Variants in MICU3 observed in about 807,000 individuals in gnomAD.
The protein encoded by MICU3 is mitochondrial calcium uptake 3.
In MICU3, 62 loss-of-function variants were observed where a neutral mutation model predicts 66.5. The ratio of observed to expected loss-of-function variants is 0.93; its 90% CI spans 0.76 to 1.15. MICU3 has a LOEUF of 1.15. Among genes scored for constraint, MICU3 ranks in the 50% most tolerant of loss-of-function variants. The pLI is 0.00. For synonymous variants in MICU3, 308 were observed against 240.7 expected (o/e 1.28, Z -2.59); for missense variants, 779 against 664.4 (o/e 1.17, Z -1.90).
the MICU3 span, among the ~76,000 whole-genome samples, chr8:17,135,024 T>G: frequency 1.8e-4 from 28 of 152,358 alleles, 1 homozygote; most frequent in Middle Eastern, 3.4e-3. Flanking sequence ...AAGTCAAGAT[T>G]TATGGGTTTC....
At chr8:17,129,459 A>G in the MICU3 span, among the ~76,000 whole-genome samples, 4 of 152,374 alleles carry the variant, frequency 2.6e-5, no homozygotes, top group African/African-American at 9.6e-5. Flanking sequence ...AATGAAAACT[A>G]TAAAAACCAA....
chr8:17,122,474 A>G lies in MICU3; in HGVS notation c.*2187A>G, dbSNP rs1803264894. The G allele has an allele frequency of 6.6e-6, 1 of 152,068 alleles. No homozygotes were observed. Among genetic ancestry groups the G allele is most frequent in the East Asian group, 1.9e-4 (1 of 5,192 alleles). The allele number at this position is 152,068 out of a possible 1,614,324, so 9.4% of individuals were successfully genotyped here. Reference sequence around the variant, plus strand: ...ATAAAATTCATATTAAACTTTTTACAGAAAGCATACATGATAAACAGTTTA... The same window carrying G: ...ATAAAATTCATATTAAACTTTTTACGGAAAGCATACATGATAAACAGTTTA... On this transcript the variant is annotated 3_prime_UTR_variant, in exon 15 of 15. Transcript: ENST00000318063.
chr8:17,039,501 C>T (rs1813658175), intron 1 of MICU3, among the ~76,000 whole-genome samples: 1 of 152,174 alleles, frequency 6.6e-6, no homozygotes, highest in Admixed American at 6.5e-5. Context: ...AATGGCCTGA[C>T]CATCTAATAG....
downstream of MICU3, among the ~76,000 whole-genome samples, chr8:17,125,283 T>C (rs1803376916): frequency 1.3e-5 from 2 of 152,132 alleles, no homozygotes; most frequent in Admixed American, 1.3e-4. Flanking sequence ...AGTTTTCCTT[T>C]TTTATTTTCT....
At chr8:17,073,566 A>T (rs1483234330) in intron 3 of MICU3, among the ~76,000 whole-genome samples, 5 of 152,146 alleles carry the variant, frequency 3.3e-5, no homozygotes, top group East Asian at 3.9e-4. Flanking sequence ...TAATAATAGA[A>T]ATAGAGTGCA....
At chr8:17,031,137 G>T (rs763222457) in intron 1 of MICU3, among the ~76,000 whole-genome samples, 1 of 151,980 alleles carries the variant, frequency 6.6e-6, no homozygotes, top group Non-Finnish European at 1.5e-5. Flanking sequence ...AGGATCATGT[G>T]AGACCAGGAA....
At chr8:17,064,519 A>G (rs1818376208) in intron 2 of MICU3, among the ~76,000 whole-genome samples, 1 of 152,278 alleles carries the variant, frequency 6.6e-6, no homozygotes, top group Non-Finnish European at 1.5e-5. Flanking sequence ...TTCTTATATC[A>G]AACCTGAACA....
intron 3 of MICU3, among the ~76,000 whole-genome samples, chr8:17,073,587 A>G (rs545582465): frequency 1.2e-4 from 18 of 152,278 alleles, no homozygotes; most frequent in African/African-American, 4.3e-4. Flanking sequence ...CAATAAATGT[A>G]ATGCACTTGA....
intron 6 of MICU3, among the ~76,000 whole-genome samples, chr8:17,086,762 C>T (rs1317389567): frequency 6.6e-6 from 1 of 151,808 alleles, no homozygotes; most frequent in Non-Finnish European, 1.5e-5. Context: ...GTACATTTAA[C>T]TTAATTATGG....
At chr8:17,040,147 A>G (rs574791711) in intron 1 of MICU3, among the ~76,000 whole-genome samples, 15 of 152,026 alleles carry the variant, frequency 9.9e-5, no homozygotes, top group African/African-American at 3.6e-4. Flanking sequence ...ATCTCAGGTG[A>G]TCCGCCCACC....
Position 17,122,201 on chromosome 8 carries a change from T to C in MICU3, c.*1914T>C, listed in dbSNP as rs1803242971. 6.6e-6 allele frequency: 1 copy of C among 151,806 alleles called. No individual in the cohort carries two copies. Among genetic ancestry groups the C allele is most frequent in the Admixed American group, 6.6e-5 (1 of 15,240 alleles). 9.4% of individuals were successfully genotyped at this position (151,806 alleles called of 1,614,324 possible). A position where few individuals can be genotyped will look rare whatever the true frequency, so the allele number is the denominator to read the frequency against. On this transcript the variant is annotated 3_prime_UTR_variant, in exon 15 of 15. Coordinates refer to ENST00000318063, the MANE Select transcript of MICU3 (RefSeq NM_181723.3). ...ACATTTGTAAGGCTGCAACATAATA[T>C]TAAAATGTGAATAAATAAATGTTCT...
chr8:17,099,991 C>G (rs17124087), intron 9 of MICU3, among the ~76,000 whole-genome samples: 7 of 151,610 alleles, frequency 4.6e-5, no homozygotes, highest in African/African-American at 1.7e-4. Context: ...TTCCTGTGTA[C>G]TCAGAGAATT....
downstream of MICU3, chr8:17,122,757 C>T (rs186503011): frequency 6.6e-6 from 1 of 152,120 alleles, no homozygotes; most frequent in South Asian, 2.1e-4. Flanking sequence ...TTTATTCCCT[C>T]TTCTGTGGCA....
chr8:17,138,298 C>T, the MICU3 span, among the ~76,000 whole-genome samples: 64,530 of 151,440 alleles, frequency 0.43, 14,907 homozygotes, highest in East Asian at 0.93. Flanking sequence ...TAGATAATAG[C>T]AAGATGTTAT....
intron 1 of MICU3, among the ~76,000 whole-genome samples, chr8:17,054,894 A>G (rs552216824): frequency 2.0e-5 from 3 of 151,872 alleles, no homozygotes; most frequent in South Asian, 4.2e-4. Context: ...GCCCGCCACC[A>G]TGCCCGGCTA....
intron 1 of MICU3, among the ~76,000 whole-genome samples, chr8:17,038,987 T>C (rs987114552): frequency 3.3e-5 from 5 of 150,406 alleles, no homozygotes; most frequent in Non-Finnish European, 5.9e-5. Context: ...AATAAATAAA[T>C]AAAAATAAGA....
At chr8:17,082,458 T>G (rs1008807333) in intron 5 of MICU3, among the ~76,000 whole-genome samples, 1 of 152,178 alleles carries the variant, frequency 6.6e-6, no homozygotes, top group African/African-American at 2.4e-5. Context: ...TTGTATCTCT[T>G]TACTGCGTTG....
the MICU3 span, among the ~76,000 whole-genome samples, chr8:17,128,815 T>C: frequency 5.9e-5 from 9 of 152,102 alleles, no homozygotes; most frequent in African/African-American, 1.7e-4. Flanking sequence ...ATAGCTCAAG[T>C]AGCTGGCTGA....
downstream of MICU3, among the ~76,000 whole-genome samples, chr8:17,123,533 G>A (rs943025771): frequency 2.6e-5 from 4 of 152,044 alleles, no homozygotes; most frequent in Non-Finnish European, 4.4e-5. Flanking sequence ...ACATTGAAAG[G>A]ATAGTTATAT....
Sources: allele counts gnomAD v4.1 joint callset (sites outside exome capture counted in the v4.1 genomes callset), GRCh38; gene constraint gnomAD v4.1.1; transcripts MANE v1.5; gene names NCBI Gene and HGNC (gene_info 2026-07-23, HGNC 2026-07-21).